The following NALF1 variants were observed in gnomAD, a reference collection of about 807,000 sequenced individuals.
NALF1 encodes family with sequence similarity 155 member A.
A neutral mutation model predicts 48.4 loss-of-function variants in NALF1; 3 were observed. The ratio of observed to expected loss-of-function variants is 0.06; its 90% CI spans 0.03 to 0.16. NALF1 has a LOEUF of 0.16. NALF1 is among the 10% of genes least tolerant of loss of function. The pLI, the probability that NALF1 is intolerant of heterozygous loss-of-function variation, is 1.00. For missense variants in NALF1, 526 were observed against 571.5 expected (o/e 0.92, Z 0.81); for synonymous variants, 262 against 245.7 (o/e 1.07, Z -0.62).
At chr13:107,284,724 A>G (rs1881458056) in intron 1 of NALF1, among the ~76,000 whole-genome samples, 1 of 152,196 alleles carries the variant, frequency 6.6e-6, no homozygotes, top group Admixed American at 6.5e-5. Context: ...AGAGAGCTTA[A>G]CTTCCTCTCT....
At chr13:107,311,652 A>T (rs1433567917) in intron 1 of NALF1, among the ~76,000 whole-genome samples, 1 of 151,926 alleles carries the variant, frequency 6.6e-6, no homozygotes, top group Non-Finnish European at 1.5e-5. Context: ...AATGGGAGAA[A>T]ATTTTTGCAA....
intron 1 of NALF1, among the ~76,000 whole-genome samples, chr13:107,579,742 A>AT (rs1479577794): frequency 8.6e-5 from 13 of 151,342 alleles, no homozygotes. Context: ...TTACATATGT[A>AT]TACATGTGCC....
intron 1 of NALF1, among the ~76,000 whole-genome samples, chr13:107,680,740 T>C (rs572968901): frequency 1.4e-4 from 5 of 36,842 alleles, no homozygotes; most frequent in African/African-American, 1.9e-4. Context: ...TGAGTGTGAA[T>C]GTGCATGAGT....
intron 2 of NALF1, among the ~76,000 whole-genome samples, chr13:107,195,277 T>A (rs1159450774): frequency 1.3e-5 from 2 of 152,146 alleles, no homozygotes; most frequent in Non-Finnish European, 2.9e-5. Flanking sequence ...ACTATTAAGA[T>A]TAAAATTTAG....
At chr13:107,560,572 T>TTA (rs1352297371) in intron 1 of NALF1, among the ~76,000 whole-genome samples, 1 of 152,170 alleles carries the variant, frequency 6.6e-6, no homozygotes, top group Non-Finnish European at 1.5e-5. Context: ...ATGTACTACA[T>TTA]TGTCATTTTA....
intron 1 of NALF1, among the ~76,000 whole-genome samples, chr13:107,715,733 G>A (rs1165094035): frequency 6.6e-6 from 1 of 152,178 alleles, no homozygotes; most frequent in African/African-American, 2.4e-5. Context: ...GTGCCCTTCT[G>A]GCACGGAGGC....
intron 1 of NALF1, among the ~76,000 whole-genome samples, chr13:107,256,274 C>T (rs1253650853): frequency 6.6e-6 from 1 of 152,188 alleles, no homozygotes; most frequent in Non-Finnish European, 1.5e-5. Flanking sequence ...AGTGGAAGTA[C>T]TACATAACAG....
chr13:107,611,792 A>G (rs1566414384), intron 1 of NALF1, among the ~76,000 whole-genome samples: 1 of 151,272 alleles, frequency 6.6e-6, no homozygotes, highest in African/African-American at 2.4e-5. Context: ...GAATGGTGGC[A>G]TACACCTATA....
chr13:107,500,050 A>T (rs1330908706), intron 1 of NALF1, among the ~76,000 whole-genome samples: 1 of 152,168 alleles, frequency 6.6e-6, no homozygotes, highest in Non-Finnish European at 1.5e-5. Context: ...ATCAATTATT[A>T]TGTATAAGAT....
chr13:107,478,510 G>C (rs1885207181), intron 1 of NALF1, among the ~76,000 whole-genome samples: 1 of 152,030 alleles, frequency 6.6e-6, no homozygotes, highest in African/African-American at 2.4e-5. Flanking sequence ...GCTGTTCTTT[G>C]CATTAATTTA....
chr13:107,641,898 C>A (rs1880166894), intron 1 of NALF1, among the ~76,000 whole-genome samples: 1 of 152,140 alleles, frequency 6.6e-6, no homozygotes, highest in Non-Finnish European at 1.5e-5. Context: ...CAGCAAACCC[C>A]AAACCCAAAT....
At chr13:107,803,891 C>A (rs1878693959) in intron 1 of NALF1, among the ~76,000 whole-genome samples, 1 of 152,148 alleles carries the variant, frequency 6.6e-6, no homozygotes, top group Admixed American at 6.5e-5. Flanking sequence ...TAAATACTGG[C>A]TCCCAGAGTC....
chr13:107,352,336 G>A (rs928283838), intron 1 of NALF1, among the ~76,000 whole-genome samples: 1 of 152,170 alleles, frequency 6.6e-6, no homozygotes, highest in African/African-American at 2.4e-5. Context: ...CCTTGGCCAG[G>A]AGGGGTTCAT....
chr13:107,761,078 C>T (rs896385618), intron 1 of NALF1, among the ~76,000 whole-genome samples: 1 of 152,122 alleles, frequency 6.6e-6, no homozygotes, highest in Non-Finnish European at 1.5e-5. Flanking sequence ...ACCGGCCAGG[C>T]GCGGTGGCTG....
chr13:107,824,979 G>T (rs1345894854), intron 1 of NALF1, among the ~76,000 whole-genome samples: 1 of 152,114 alleles, frequency 6.6e-6, no homozygotes, highest in Admixed American at 6.6e-5. Flanking sequence ...CCCAAACCAC[G>T]AATCTAGTAG....
intron 1 of NALF1, among the ~76,000 whole-genome samples, chr13:107,852,942 G>A (rs1382840901): frequency 6.6e-6 from 1 of 152,116 alleles, no homozygotes; most frequent in Non-Finnish European, 1.5e-5. Context: ...TGGCTTATTT[G>A]CAGCATCCTT....
At chr13:107,196,657 T>G (rs1879398831) in intron 2 of NALF1, among the ~76,000 whole-genome samples, 1 of 151,878 alleles carries the variant, frequency 6.6e-6, no homozygotes, top group Non-Finnish European at 1.5e-5. Context: ...AGTTCAAATA[T>G]AGAGAGATGA....
chr13:107,740,856 T>A (rs1297478255), intron 1 of NALF1, among the ~76,000 whole-genome samples: 4 of 152,198 alleles, frequency 2.6e-5, no homozygotes, highest in Non-Finnish European at 4.4e-5. Context: ...ATAAAATATA[T>A]GCTTTGGAAT....
intron 1 of NALF1, among the ~76,000 whole-genome samples, chr13:107,545,053 G>A (rs147306807): frequency 5.3e-5 from 8 of 152,266 alleles, no homozygotes; most frequent in African/African-American, 1.4e-4. Context: ...AAGATATGCC[G>A]ACGTCCTAAC....
Sources: allele counts gnomAD v4.1 joint callset (sites outside exome capture counted in the v4.1 genomes callset), GRCh38; gene constraint gnomAD v4.1.1; transcripts MANE v1.5; gene names NCBI Gene and HGNC (gene_info 2026-07-23, HGNC 2026-07-21).